C10orf143: variants seen among roughly 807,000 people sequenced by gnomAD.
C10orf143 encodes uncharacterized protein C10orf143.
chr10:130,063,429 C>A (rs1590012549), downstream of C10orf143, among the ~76,000 whole-genome samples: 1 of 152,218 alleles, frequency 6.6e-6, no homozygotes, highest in African/African-American at 2.4e-5. Flanking sequence ...GGTTGTTTGG[C>A]ACGAACTGGC....
chr10:130,070,034 A>G (rs1293249989), intron 3 of C10orf143, among the ~76,000 whole-genome samples: 2 of 152,226 alleles, frequency 1.3e-5, no homozygotes, highest in Non-Finnish European at 2.9e-5. Flanking sequence ...TTAAATATAT[A>G]TCATGAATGG....
chr10:130,048,339 C>T (rs1860700004), intron 3 of C10orf143, among the ~76,000 whole-genome samples: 1 of 152,200 alleles, frequency 6.6e-6, no homozygotes. Context: ...TGTGGGTGCC[C>T]CTCCTACTGG....
At chr10:130,107,993 G>T in intron 1 of C10orf143, 2 of 1,523,522 alleles carry the variant, frequency 1.3e-6, no homozygotes, top group South Asian at 2.2e-5. Flanking sequence ...GGATAAAATG[G>T]ATGGGTCAAT....
Position 130,110,732 on chromosome 10 carries a change from G to A in C10orf143, c.41C>T (p.Ala14Val), listed in dbSNP as rs1201375006. The part of the protein sequence containing the change: ...LALGRWRQRR[A>V]EDLQVPGDVK... ...GTCCCCCGGAACCTGCAGATCCTCCGCCCTCCGCTGTCGCCAGCGGCCGAG... is the reference window on the plus strand; with the variant it reads ...GTCCCCCGGAACCTGCAGATCCTCCACCCTCCGCTGTCGCCAGCGGCCGAG... The change falls in exon 1 of 4, where the codon GCG (alanine) becomes GTG (valine). Residue 14 changes from alanine (A) to valine (V), a missense_variant. Coordinates refer to ENST00000637128, the MANE Select transcript of C10orf143 (RefSeq NM_001355042.2). The A allele has an allele frequency of 5.0e-6, 2 of 398,836 alleles. No individual in the cohort carries two copies. Among genetic ancestry groups the A allele is most frequent in the Admixed American group, 8.8e-5 (2 of 22,722 alleles). The allele number at this position is 398,836 out of a possible 1,614,324, so 24.7% of individuals were successfully genotyped here.
chr10:130,105,733 T>C (rs1365686860), intron 1 of C10orf143, among the ~76,000 whole-genome samples: 1 of 148,206 alleles, frequency 6.7e-6, no homozygotes. Flanking sequence ...TCCGTTCCCC[T>C]CCCCCCCCAA....
intron 1 of C10orf143, chr10:130,107,031 G>A (rs754000594): frequency 1.7e-5 from 22 of 1,301,956 alleles, no homozygotes; most frequent in African/African-American, 2.9e-5. Flanking sequence ...ACCTTAGAAG[G>A]AGAAAGAAAC....
intron 3 of C10orf143, among the ~76,000 whole-genome samples, chr10:130,038,246 C>T (rs140070996): frequency 3.9e-5 from 6 of 152,286 alleles, no homozygotes; most frequent in South Asian, 2.1e-4. Flanking sequence ...GAGGGCCAGC[C>T]GCTGACTGAA....
intron 3 of C10orf143, among the ~76,000 whole-genome samples, chr10:130,049,912 G>A (rs1262277967): frequency 6.6e-6 from 1 of 152,234 alleles, no homozygotes; most frequent in Non-Finnish European, 1.5e-5. Context: ...AGATGGTATT[G>A]CTACAGAATC....
intron 1 of C10orf143, among the ~76,000 whole-genome samples, chr10:130,083,856 C>G (rs1021668281): frequency 7.1e-6 from 1 of 141,796 alleles, no homozygotes; most frequent in Non-Finnish European, 1.6e-5. Context: ...ATTAAAGCAC[C>G]AGAGTAACAT....
rs569654172 is a variant in C10orf143, at chr10:130,065,335, T to C, written c.298-952A>G. ...AGGGAAGACAGCACGTGACCCTACC[T>C]GGTGAGGGGCCTGAAGAAGGCTTCA... On this transcript the variant is annotated intron_variant, in intron 3 of 3. Coordinates refer to ENST00000637128, the MANE Select transcript of C10orf143 (RefSeq NM_001355042.2). This position sits in a 1 kb window ranked among gnomAD's most constrained non-coding sequence, Gnocchi z 4.2. 6.6e-6 allele frequency: 1 copy of C among 152,012 alleles called. No individual in the cohort carries two copies. Among genetic ancestry groups the C allele is most frequent in the Non-Finnish European group, 1.5e-5 (1 of 68,024 alleles). 9.4% of individuals were successfully genotyped at this position (152,012 alleles called of 1,614,324 possible). A position where few individuals can be genotyped will look rare whatever the true frequency, so the allele number is the denominator to read the frequency against.
At position 130,079,843 on chromosome 10, in the gene C10orf143, T is replaced by G. The variant is rs7896782; in HGVS notation, c.128A>C (p.Asn43Thr). 0.022 allele frequency: 8,897 copies of G among 398,626 alleles called. 361 individuals carry two copies. Among genetic ancestry groups the G allele is most frequent in the East Asian group, 0.1 (2,872 of 28,082 alleles). 24.7% of individuals were successfully genotyped at this position (398,626 alleles called of 1,614,324 possible). Residue 43 changes from asparagine (N) to threonine (T), a missense_variant, in exon 2 of 4, where the codon AAT becomes ACT. Transcript: ENST00000637128. ...GCCCCAGGACGCCAGGGCACAGGCATTCACCTGGTGGCAGCCACGCTCATG... is the reference window on the plus strand; with the variant it reads ...GCCCCAGGACGCCAGGGCACAGGCAGTCACCTGGTGGCAGCCACGCTCATG... ...SGHERGCHQVNACALASWGPE... is the reference protein window; with the variant it reads ...SGHERGCHQVTACALASWGPE...
At chr10:130,036,985 G>T (rs1860552012) in intron 3 of C10orf143, among the ~76,000 whole-genome samples, 1 of 152,182 alleles carries the variant, frequency 6.6e-6, no homozygotes, top group Non-Finnish European at 1.5e-5. Flanking sequence ...CAGCAACTGG[G>T]CCAGCAGGTG....
At chr10:130,100,452 C>T (rs1296909307) in intron 1 of C10orf143, among the ~76,000 whole-genome samples, 1 of 152,006 alleles carries the variant, frequency 6.6e-6, no homozygotes, top group African/African-American at 2.4e-5. Flanking sequence ...ATTGCTTGAA[C>T]CTGGGAGGCG....
At chr10:130,053,005 G>C (rs1171887919) in intron 3 of C10orf143, among the ~76,000 whole-genome samples, 3 of 152,194 alleles carry the variant, frequency 2.0e-5, no homozygotes, top group African/African-American at 4.8e-5. Context: ...AGGAACTATG[G>C]GCAGGCAGTG....
At chr10:130,047,539 C>T (rs1860690596) in intron 3 of C10orf143, among the ~76,000 whole-genome samples, 1 of 152,180 alleles carries the variant, frequency 6.6e-6, no homozygotes, top group Non-Finnish European at 1.5e-5. Context: ...TCTCAAATTC[C>T]TGGATTCCTG....
chr10:130,101,325 A>G (rs1861546915), intron 1 of C10orf143: 1 of 152,150 alleles, frequency 6.6e-6, no homozygotes, highest in Non-Finnish European at 1.5e-5. Flanking sequence ...GCACAGAACC[A>G]TGAAGAAAAC....
chr10:130,051,570 C>T (rs1860739262), intron 3 of C10orf143, among the ~76,000 whole-genome samples: 1 of 21,664 alleles, frequency 4.6e-5, no homozygotes, highest in African/African-American at 2.1e-4. Flanking sequence ...CTCCCGCCCC[C>T]ACCTAGTTAA....
chr10:130,108,096 C>A, intron 1 of C10orf143: 1 of 1,518,590 alleles, frequency 6.6e-7, no homozygotes, highest in Non-Finnish European at 9.1e-7. Context: ...GAAAATGCAG[C>A]AACTGGCCCT....
rs564928477 is a variant in C10orf143 at position 130,037,114 on chromosome 10, A to G, written c.298-1144T>C. Among the ~76,000 whole-genome samples the G allele has an allele frequency of 3.3e-3, 504 of 152,298 alleles. 3 individuals are homozygous for G. Among genetic ancestry groups the G allele is most frequent in the Middle Eastern group, 0.02 (6 of 294 alleles). On this transcript the variant is annotated intron_variant and NMD_transcript_variant, in intron 3 of 5. Transcript: ENST00000643056. The stretch of plus-strand genomic sequence containing the variant: ...GCCTCAATGGCATTTTAAAGTGCAG[A>G]TGACACTGAAGAGTGCCCTTGGAGA...
Sources: gnomAD v4.1 joint callset for allele counts (sites outside exome capture counted in the v4.1 genomes callset) on GRCh38, gnomAD v4.1.1 for gene constraint, Gnocchi (gnomAD v3.1) non-coding constraint, MANE v1.5 for transcripts, NCBI Gene and HGNC (gene_info 2026-07-23, HGNC 2026-07-21) for gene names.